ARHGAP15: variants seen among roughly 807,000 people sequenced by gnomAD.
ARHGAP15 encodes Rho GTPase activating protein 15, also known as rho GTPase-activating protein 15.
A neutral mutation model predicts 63.7 loss-of-function variants in ARHGAP15; 51 were observed. The observed-to-expected ratio is 0.80, with a 90% CI of 0.64 to 1.01. ARHGAP15 has a LOEUF of 1.01. Among genes scored for constraint, ARHGAP15 ranks in the 50% least tolerant of loss-of-function variants. The pLI, the probability that ARHGAP15 is intolerant of heterozygous loss-of-function variation, is 0.00. For synonymous variants in ARHGAP15, 191 were observed against 193.8 expected, an observed-to-expected ratio of 0.99 and a Z score of 0.12; for missense variants, 560 against 564.6, an observed-to-expected ratio of 0.99 and a Z score of 0.08.
chr2:143,362,953 C>A (rs1300912084), intron 6 of ARHGAP15, among the ~76,000 whole-genome samples: 19 of 152,160 alleles, frequency 1.2e-4, no homozygotes, highest in Admixed American at 9.2e-4. Flanking sequence ...TCTAACTCTC[C>A]TATCCTACCT....
chr2:143,204,074 G>A lies in ARHGAP15; in HGVS notation c.234+1872G>A, dbSNP rs540562911. On this transcript the variant is annotated intron_variant, in intron 3 of 13. Coordinates refer to ENST00000295095, the MANE Select transcript of ARHGAP15 (RefSeq NM_018460.4). ...AAAGTCATCTTCCCTTGTTTCAGTC[G>A]TAACATAAATGAACACCAAAGAACC... Among the ~76,000 whole-genome samples, 8 of 152,112 alleles carry A rather than the reference G, an allele frequency of 5.3e-5. No homozygotes were observed. In the South Asian group the frequency reaches 8.3e-4, roughly 16 times the overall value.
intron 9 of ARHGAP15, among the ~76,000 whole-genome samples, chr2:143,488,219 C>T (rs562241763): frequency 2.0e-5 from 3 of 152,174 alleles, no homozygotes; most frequent in Non-Finnish European, 4.4e-5. Context: ...TTATATACAT[C>T]ATTGAAAGGA....
At chr2:143,241,778 T>C (rs531859912) in intron 5 of ARHGAP15, among the ~76,000 whole-genome samples, 42 of 152,190 alleles carry the variant, frequency 2.8e-4, no homozygotes, top group African/African-American at 9.9e-4. Context: ...ATACAAAGCC[T>C]GAATTAAGAG....
chr2:143,155,173 A>G (rs1342106621), intron 1 of ARHGAP15, among the ~76,000 whole-genome samples: 1 of 151,964 alleles, frequency 6.6e-6, no homozygotes, highest in Admixed American at 6.6e-5. Context: ...CACCATTTCT[A>G]TATAAGGAAA....
intron 9 of ARHGAP15, among the ~76,000 whole-genome samples, chr2:143,494,810 C>T (rs563571429): frequency 6.6e-6 from 1 of 152,170 alleles, no homozygotes; most frequent in African/African-American, 2.4e-5. Context: ...ACACTAATCC[C>T]ATACCTCAAA....
rs1558995323 is a variant in ARHGAP15 at position 143,473,062 on chromosome 2, C to T, written c.704-14311C>T. ...AAACTCCAAACTAGAACGTGAAGACCCACCTCACCCCACCTTCAGCCTCAC... is the reference window on the plus strand; with the variant it reads ...AAACTCCAAACTAGAACGTGAAGACTCACCTCACCCCACCTTCAGCCTCAC... On this transcript the variant is annotated intron_variant, in intron 8 of 13. Transcript: ENST00000295095. 2.0e-5 allele frequency among the ~76,000 whole-genome samples: 3 copies of T among 152,092 alleles called. No homozygotes were observed. The South Asian group carries it at 6.2e-4, about 32-fold the overall frequency.
intron 9 of ARHGAP15, among the ~76,000 whole-genome samples, chr2:143,514,248 T>A (rs1282820828): frequency 2.0e-5 from 3 of 152,118 alleles, no homozygotes; most frequent in African/African-American, 7.2e-5. Flanking sequence ...AATAAAGCAA[T>A]CTTTGCATTA....
intron 10 of ARHGAP15, among the ~76,000 whole-genome samples, chr2:143,551,187 G>C (rs950495214): frequency 1.1e-4 from 16 of 152,168 alleles, no homozygotes; most frequent in Non-Finnish European, 2.2e-4. Flanking sequence ...GCCTCACTCT[G>C]TCCACCCAGG....
chr2:143,344,300 A>C lies in ARHGAP15; in HGVS notation c.475-91301A>C, dbSNP rs187806008. On this transcript the variant is annotated intron_variant, in intron 6 of 13. Coordinates refer to ENST00000295095, the MANE Select transcript of ARHGAP15 (RefSeq NM_018460.4). ...ACTAATGCATTTATCAAGAGCAGAA[A>C]TTAAGTATAGATTGTCTCTAAACTG... 42 of 152,290 alleles carry C rather than the reference A, an allele frequency of 2.8e-4. 1 individual carries two copies. The East Asian group carries it at 6.0e-3, about 22-fold the overall frequency. The allele number at this position is 152,290 out of a possible 1,614,324, so 9.4% of individuals were successfully genotyped here.
chr2:143,258,772 T>C (rs1680554555), intron 6 of ARHGAP15, among the ~76,000 whole-genome samples: 1 of 152,114 alleles, frequency 6.6e-6, no homozygotes, highest in African/African-American at 2.4e-5. Flanking sequence ...GGTGTTCACA[T>C]GGAGGGTTTA....
At chr2:143,198,253 A>G (rs1023663639) in intron 2 of ARHGAP15, among the ~76,000 whole-genome samples, 1 of 152,040 alleles carries the variant, frequency 6.6e-6, no homozygotes, top group African/African-American at 2.4e-5. Context: ...TTAGCATACA[A>G]TATTATCTTT....
chr2:143,741,560 TTAAAA>T (rs1685965245), intron 13 of ARHGAP15, among the ~76,000 whole-genome samples: 1 of 152,248 alleles, frequency 6.6e-6, no homozygotes, highest in Non-Finnish European at 1.5e-5. Flanking sequence ...ATCTTTGAGC[TTAAAA>T]TAAAAGAGTT....
At chr2:143,670,250 A>G (rs1682449547) in intron 12 of ARHGAP15, among the ~76,000 whole-genome samples, 1 of 152,140 alleles carries the variant, frequency 6.6e-6, no homozygotes, top group African/African-American at 2.4e-5. Flanking sequence ...TATTCCCCTC[A>G]TAATGAGAAG....
chr2:143,316,110 AAT>A (rs1683693533), intron 6 of ARHGAP15, among the ~76,000 whole-genome samples: 1 of 152,002 alleles, frequency 6.6e-6, no homozygotes, highest in Non-Finnish European at 1.5e-5. Flanking sequence ...AAAATAAATA[AAT>A]ATTTATTTGT....
At chr2:143,519,756 A>G (rs541018215) in intron 10 of ARHGAP15, among the ~76,000 whole-genome samples, 17 of 152,320 alleles carry the variant, frequency 1.1e-4, no homozygotes, top group Non-Finnish European at 2.2e-4. Flanking sequence ...CAAGTTAAGC[A>G]AATAGCATTC....
intron 1 of ARHGAP15, among the ~76,000 whole-genome samples, chr2:143,134,632 C>CTTTTT (rs139259059): frequency 3.3e-5 from 4 of 119,446 alleles, no homozygotes; most frequent in Admixed American, 8.6e-5. Context: ...TATTCCTTTT[C>CTTTTT]TTTTTTTTTT....
rs536611900 is a variant in ARHGAP15 at position 143,622,914 on chromosome 2, T to C, written c.1004-1219T>C. On this transcript the variant is annotated intron_variant, in intron 11 of 13. Coordinates refer to ENST00000295095, the MANE Select transcript of ARHGAP15 (RefSeq NM_018460.4). Reference sequence around the variant, plus strand: ...GTGACAATTCTCAGCTTTTCTTACATTTTGGTGCAAAATGCTCCTCTGGAT... The same window carrying C: ...GTGACAATTCTCAGCTTTTCTTACACTTTGGTGCAAAATGCTCCTCTGGAT... 4.6e-5 allele frequency among the ~76,000 whole-genome samples: 7 copies of C among 152,254 alleles called. No individual in the cohort carries two copies. In the East Asian group the frequency reaches 1.4e-3, roughly 29 times the overall value.
At chr2:143,533,625 C>T (rs913975455) in intron 10 of ARHGAP15, among the ~76,000 whole-genome samples, 3 of 152,128 alleles carry the variant, frequency 2.0e-5, no homozygotes, top group African/African-American at 7.2e-5. Flanking sequence ...TGTTTTGTTT[C>T]ATTTGATAAG....
intron 13 of ARHGAP15, among the ~76,000 whole-genome samples, chr2:143,735,093 G>A (rs532682225): frequency 4.6e-5 from 7 of 152,148 alleles, no homozygotes; most frequent in Non-Finnish European, 1.0e-4. Context: ...ACAGATATTC[G>A]ATTCAGCTTC....
Sources: gnomAD v4.1 joint callset for allele counts (sites outside exome capture counted in the v4.1 genomes callset) on GRCh38, gnomAD v4.1.1 for gene constraint, MANE v1.5 for transcripts, NCBI Gene and HGNC (gene_info 2026-07-23, HGNC 2026-07-21) for gene names.